Variants in FAM163A observed in about 807,000 individuals in gnomAD.
The protein encoded by FAM163A is family with sequence similarity 163 member A.
In FAM163A, 7 loss-of-function variants were observed where a neutral mutation model predicts 12.0. The ratio of observed to expected loss-of-function variants is 0.58; its 90% confidence interval spans 0.33 to 1.10. The LOEUF (loss-of-function observed/expected upper bound fraction) is 1.10. FAM163A is among the 50% of genes least tolerant of loss of function. The probability of loss-of-function intolerance (pLI) is 0.03; values close to 1 mark genes in which losing one functional copy is unlikely to be tolerated. For missense variants in FAM163A, 202 were observed against 218.6 expected, an observed-to-expected ratio of 0.92 and a Z score of 0.48; for synonymous variants, 101 against 91.0, an observed-to-expected ratio of 1.11 and a Z score of -0.62.
Position 179,786,951 on chromosome 1 carries a change from C to T in FAM163A, c.-135-20847C>T, listed in dbSNP as rs1003563991. Among the ~76,000 whole-genome samples the T allele has an allele frequency of 2.6e-5, 4 of 152,190 alleles. No individual in the cohort carries two copies. In the South Asian group the frequency reaches 8.3e-4, roughly 31 times the overall value. On this transcript the variant is annotated intron_variant, in intron 1 of 4. Transcript: ENST00000341785. The stretch of plus-strand genomic sequence containing the variant: ...CCAGAGTTCTCCACTGGCTCCTTGC[C>T]ACCAGCTCTGCCTGCACCCTGGCCG...
intron 1 of FAM163A, among the ~76,000 whole-genome samples, chr1:179,766,523 C>T (rs185999253): frequency 0.01 from 1,569 of 152,330 alleles, 16 homozygotes; most frequent in Admixed American, 0.02. Context: ...TGAACAATTT[C>T]CCCTTGTATC....
At chr1:179,748,117 G>C (rs1684759318) in intron 1 of FAM163A, among the ~76,000 whole-genome samples, 1 of 152,286 alleles carries the variant, frequency 6.6e-6, no homozygotes, top group East Asian at 1.9e-4. Context: ...CCAAGTCTGT[G>C]CTGGGAGTCT....
chr1:179,754,071 C>T (rs969513824), intron 1 of FAM163A, among the ~76,000 whole-genome samples: 34 of 152,236 alleles, frequency 2.2e-4, no homozygotes, highest in Admixed American at 1.9e-3. Context: ...ACCTCAGAAG[C>T]GGAAGGACAT....
chr1:179,790,217 C>G (rs1280195330), intron 1 of FAM163A, among the ~76,000 whole-genome samples: 1 of 136,766 alleles, frequency 7.3e-6, no homozygotes, highest in Non-Finnish European at 1.5e-5. Context: ...CAGCTGACTT[C>G]CTTTTTTTTT....
intron 1 of FAM163A, among the ~76,000 whole-genome samples, chr1:179,795,481 T>C (rs1443861446): frequency 6.6e-6 from 1 of 152,192 alleles, no homozygotes; most frequent in Non-Finnish European, 1.5e-5. Context: ...AAAGGATAAA[T>C]TGGCCTGCAT....
chr1:179,728,967 G>A, the FAM163A span, among the ~76,000 whole-genome samples: 44 of 152,084 alleles, frequency 2.9e-4, no homozygotes, highest in African/African-American at 8.7e-4. Context: ...TTCTCAGTAC[G>A]TGCATCTGTT....
intron 1 of FAM163A, among the ~76,000 whole-genome samples, chr1:179,758,324 G>A (rs1257352501): frequency 6.6e-6 from 1 of 152,158 alleles, no homozygotes; most frequent in Non-Finnish European, 1.5e-5. Flanking sequence ...GTCATATGGG[G>A]TAAAGTAAGT....
chr1:179,782,771 T>C (rs1433551845), intron 1 of FAM163A, among the ~76,000 whole-genome samples: 3 of 152,222 alleles, frequency 2.0e-5, no homozygotes, highest in Non-Finnish European at 4.4e-5. Flanking sequence ...AACTGTTTCC[T>C]AGAGAAGCTG....
At chr1:179,775,026 T>TTTA (rs1688760003) in intron 1 of FAM163A, among the ~76,000 whole-genome samples, 1 of 152,140 alleles carries the variant, frequency 6.6e-6, no homozygotes, top group Admixed American at 6.5e-5. Flanking sequence ...AAAGCAACGA[T>TTTA]TTATTGAAAA....
At chr1:179,786,012 A>G (rs1690564217) in intron 1 of FAM163A, among the ~76,000 whole-genome samples, 2 of 152,208 alleles carry the variant, frequency 1.3e-5, no homozygotes, top group African/African-American at 4.8e-5. Context: ...TTGATCTTTA[A>G]GACTGGTGTA....
At chr1:179,762,096 A>C (rs1003042975) in intron 1 of FAM163A, among the ~76,000 whole-genome samples, 1 of 152,222 alleles carries the variant, frequency 6.6e-6, no homozygotes, top group African/African-American at 2.4e-5. Context: ...GGCAGGAAGC[A>C]GATACCAAAT....
intron 1 of FAM163A, among the ~76,000 whole-genome samples, chr1:179,790,793 G>A (rs1691362862): frequency 6.6e-6 from 1 of 152,106 alleles, no homozygotes; most frequent in Non-Finnish European, 1.5e-5. Context: ...GACAGACCTG[G>A]GAATATAGTG....
chr1:179,757,170 G>A (rs185605602), intron 1 of FAM163A, among the ~76,000 whole-genome samples: 1 of 152,326 alleles, frequency 6.6e-6, no homozygotes, highest in Non-Finnish European at 1.5e-5. Context: ...GTAGCTATGA[G>A]TGGGATGTGA....
the FAM163A span, among the ~76,000 whole-genome samples, chr1:179,732,129 T>C: frequency 6.6e-6 from 1 of 152,254 alleles, no homozygotes; most frequent in East Asian, 1.9e-4. Context: ...TTCTATTTTG[T>C]TAAATCATTC....
intron 1 of FAM163A, among the ~76,000 whole-genome samples, chr1:179,773,684 A>G (rs17370180): frequency 6.6e-6 from 1 of 152,134 alleles, no homozygotes; most frequent in Non-Finnish European, 1.5e-5. Flanking sequence ...ACCTAGCAGT[A>G]AGGTGCTTCC....
At chr1:179,740,506 C>T (rs1683506649), upstream of FAM163A, among the ~76,000 whole-genome samples, 1 of 152,080 alleles carries the variant, frequency 6.6e-6, no homozygotes, top group Admixed American at 6.5e-5. Context: ...AATGGTTAAA[C>T]AAGCTGGTGG....
intron 1 of FAM163A, among the ~76,000 whole-genome samples, chr1:179,790,528 T>A (rs1691310256): frequency 6.6e-6 from 1 of 152,164 alleles, no homozygotes; most frequent in African/African-American, 2.4e-5. Context: ...ACAGGCTGGA[T>A]AAACGACGAG....
intron 1 of FAM163A, among the ~76,000 whole-genome samples, chr1:179,783,054 C>T (rs1468207386): frequency 1.3e-5 from 2 of 151,274 alleles, no homozygotes; most frequent in African/African-American, 2.4e-5. Context: ...TGCTTGAACC[C>T]AGAGATAGAG....
At chr1:179,789,809 G>GGT (rs1557948845) in intron 1 of FAM163A, among the ~76,000 whole-genome samples, 1 of 152,100 alleles carries the variant, frequency 6.6e-6, no homozygotes. Context: ...AAAAAAAATG[G>GGT]TACAAACTGA....
Sources: allele counts gnomAD v4.1 joint callset (sites outside exome capture counted in the v4.1 genomes callset), GRCh38; gene constraint gnomAD v4.1.1; transcripts MANE v1.5; gene names NCBI Gene and HGNC (gene_info 2026-07-23, HGNC 2026-07-21).